The following INSL6 variants were observed in gnomAD, a reference collection of about 807,000 sequenced individuals.
INSL6 encodes insulin like 6.
INSL6 carries 16 observed loss-of-function variants against 9.4 expected under a neutral mutation model. The ratio of observed to expected loss-of-function variants is 1.70; its 90% confidence interval spans 1.15 to 2.59. The LOEUF is 2.59. INSL6 is among the 30% of genes most tolerant of loss of function. INSL6 has a pLI of 0.00. For synonymous variants in INSL6, 154 were observed against 96.9 expected (o/e 1.59, Z -3.46); for missense variants, 391 against 257.3 (o/e 1.52, Z -3.56).
chr9:5,047,762 A>G, the INSL6 span, among the ~76,000 whole-genome samples: 3 of 151,872 alleles, frequency 2.0e-5, no homozygotes, highest in Non-Finnish European at 2.9e-5. Context: ...TGCCTGGCTA[A>G]TTTTTTTAGT....
downstream of INSL6, among the ~76,000 whole-genome samples, chr9:5,120,536 G>C (rs907837808): frequency 2.0e-5 from 3 of 152,080 alleles, no homozygotes; most frequent in African/African-American, 7.2e-5. Context: ...GTAATAACTG[G>C]GGGAAAAAGT....
the INSL6 span, among the ~76,000 whole-genome samples, chr9:5,076,994 C>T: frequency 6.6e-6 from 1 of 151,676 alleles, no homozygotes; most frequent in Non-Finnish European, 1.5e-5. Flanking sequence ...GTATTTTTTG[C>T]AGAATTAAAA....
the INSL6 span, chr9:5,109,987 A>G: frequency 6.6e-6 from 1 of 152,188 alleles, no homozygotes; most frequent in Non-Finnish European, 1.5e-5. Context: ...GTCCTGCACA[A>G]TCGCATCGGC....
At chr9:5,081,146 C>T in the INSL6 span, among the ~76,000 whole-genome samples, 28 of 151,988 alleles carry the variant, frequency 1.8e-4, no homozygotes, top group Middle Eastern at 0.017. Context: ...CCGCCCGCCT[C>T]GGCCTCCCAA....
the INSL6 span, chr9:5,073,607 A>C: frequency 1.1e-6 from 1 of 930,086 alleles, no homozygotes; most frequent in South Asian, 1.4e-5. Context: ...AAGTAGGAGA[A>C]AGTGCATCTT....
chr9:5,078,496 G>T, the INSL6 span: 2 of 1,379,302 alleles, frequency 1.5e-6, no homozygotes, highest in South Asian at 1.4e-5. Context: ...CTTGGGCAGT[G>T]GTGTAAAGGG....
the INSL6 span, among the ~76,000 whole-genome samples, chr9:5,033,465 A>G: frequency 6.6e-6 from 1 of 152,230 alleles, no homozygotes; most frequent in South Asian, 2.1e-4. Flanking sequence ...GAAATGAAGG[A>G]AAAAATGTTA....
chr9:5,170,086 C>T (rs1825143913), intron 1 of INSL6, among the ~76,000 whole-genome samples: 1 of 150,954 alleles, frequency 6.6e-6, no homozygotes, highest in Non-Finnish European at 1.5e-5. Context: ...CCACGTGGCA[C>T]ATCACATAAT....
intron 1 of INSL6, among the ~76,000 whole-genome samples, chr9:5,175,200 A>G (rs1357494717): frequency 2.0e-5 from 3 of 152,116 alleles, no homozygotes; most frequent in East Asian, 1.9e-4. Flanking sequence ...TCGGCCTCCC[A>G]AAGTGCTGGG....
At chr9:5,115,699 G>C in the INSL6 span, among the ~76,000 whole-genome samples, 10 of 152,168 alleles carry the variant, frequency 6.6e-5, no homozygotes, top group African/African-American at 1.9e-4. Flanking sequence ...AAGAAAATGT[G>C]ACACATATAC....
chr9:5,003,956 G>A, the INSL6 span, among the ~76,000 whole-genome samples: 1,004 of 151,926 alleles, frequency 6.6e-3, 9 homozygotes, highest in African/African-American at 0.023. Flanking sequence ...TGATCATATG[G>A]TGTGTTTTCT....
chr9:5,181,610 T>C (rs7036536), intron 1 of INSL6, among the ~76,000 whole-genome samples: 58,082 of 151,996 alleles, frequency 0.38, 12,654 homozygotes, highest in African/African-American at 0.61. Flanking sequence ...CACTTACTGC[T>C]TAATTATATA....
the INSL6 span, among the ~76,000 whole-genome samples, chr9:5,036,850 G>C: frequency 6.6e-6 from 1 of 151,992 alleles, no homozygotes; most frequent in African/African-American, 2.4e-5. Context: ...ACAAAAGCCA[G>C]AATTGACAAA....
the INSL6 span, among the ~76,000 whole-genome samples, chr9:5,086,332 C>T: frequency 6.6e-6 from 1 of 152,176 alleles, no homozygotes; most frequent in Non-Finnish European, 1.5e-5. Context: ...TTTACCTTCT[C>T]GCTTCACTCC....
chr9:5,036,597 A>G, the INSL6 span, among the ~76,000 whole-genome samples: 1 of 152,176 alleles, frequency 6.6e-6, no homozygotes, highest in Non-Finnish European at 1.5e-5. Context: ...ACCTGACAAA[A>G]ACAAGAAATG....
chr9:5,130,380 T>G (rs1200124903), intron 3 of INSL6, among the ~76,000 whole-genome samples: 1 of 152,220 alleles, frequency 6.6e-6, no homozygotes, highest in Non-Finnish European at 1.5e-5. Flanking sequence ...TAGATCTGAA[T>G]TATTGGTAAA....
At chr9:5,066,707 A>C in the INSL6 span, 2 of 1,609,346 alleles carry the variant, frequency 1.2e-6, no homozygotes, top group African/African-American at 2.7e-5. Flanking sequence ...AAACTGAAGA[A>C]AGCAGGTAAT....
At chr9:5,110,797 G>C in the INSL6 span, 2 of 412,390 alleles carry the variant, frequency 4.8e-6, no homozygotes, top group Non-Finnish European at 4.7e-6. Context: ...GGCCACGCGC[G>C]ACGCCTGGGG....
the INSL6 span, among the ~76,000 whole-genome samples, chr9:4,994,785 A>G: frequency 3.3e-5 from 5 of 152,128 alleles, no homozygotes; most frequent in African/African-American, 1.2e-4. Flanking sequence ...TCTTCAAGCT[A>G]TGGCCCCATT....
Sources: allele counts gnomAD v4.1 joint callset (sites outside exome capture counted in the v4.1 genomes callset), GRCh38; gene constraint gnomAD v4.1.1; transcripts MANE v1.5; gene names NCBI Gene and HGNC (gene_info 2026-07-23, HGNC 2026-07-21).